The following ZC3H4 variants were observed in gnomAD, a reference collection of about 807,000 sequenced individuals.
The protein encoded by ZC3H4 is zinc finger CCCH domain-containing protein 4.
In ZC3H4, 13 loss-of-function variants were observed where a neutral mutation model predicts 108.3. The observed-to-expected ratio is 0.12, with a 90% CI of 0.08 to 0.19. The LOEUF (loss-of-function observed/expected upper bound fraction) is 0.19. Ranked by LOEUF, ZC3H4 falls within the 10% of genes least tolerant of loss-of-function variation. The pLI is 1.00. For missense variants in ZC3H4, 1,734 were observed against 1,838.8 expected (o/e 0.94, Z 1.04); for synonymous variants, 917 against 749.6 (o/e 1.22, Z -3.65).
intron 4 of ZC3H4, among the ~76,000 whole-genome samples, chr19:47,091,130 G>T (rs192960062): frequency 6.6e-6 from 1 of 152,090 alleles, no homozygotes; most frequent in Non-Finnish European, 1.5e-5. Context: ...CAAAATAGCC[G>T]AGTGTGGGGC....
At chr19:47,075,403 T>C (rs73943613) in intron 11 of ZC3H4, among the ~76,000 whole-genome samples, 1,703 of 152,214 alleles carry the variant, frequency 0.011, 22 homozygotes, top group African/African-American at 0.04. Flanking sequence ...CTTCCTCAAC[T>C]GTGTGTGGGG....
At chr19:47,076,924 C>T (rs1459451971) in intron 11 of ZC3H4, among the ~76,000 whole-genome samples, 2 of 151,960 alleles carry the variant, frequency 1.3e-5, no homozygotes, top group Non-Finnish European at 2.9e-5. Flanking sequence ...ACCTGGGAGG[C>T]GGAAACTACA....
At chr19:47,081,351 C>A (rs1251740836) in intron 11 of ZC3H4, among the ~76,000 whole-genome samples, 162 bp downstream of exon 11, 1 of 152,216 alleles carries the variant, frequency 6.6e-6, no homozygotes, top group African/African-American at 2.4e-5. Context: ...CAACTCCTTG[C>A]AGAAGAGGAC....
In ZC3H4 at chr19:47,072,778, T is replaced by C; in HGVS notation, c.1441-65A>G. ...CAGGATGGAAACGGACCTCTCCAGGTCTGAGAGCTGAAGTTTATGAGGAAA... is the reference window on the plus strand; with the variant it reads ...CAGGATGGAAACGGACCTCTCCAGGCCTGAGAGCTGAAGTTTATGAGGAAA... On this transcript the variant is annotated intron_variant, in intron 11 of 14. Transcript: ENST00000253048. This position sits in a 1 kb window ranked among gnomAD's most constrained non-coding sequence, Gnocchi z 5.6. 6.3e-7 allele frequency: 1 copy of C among 1,580,698 alleles called. No individual in the cohort carries two copies. Among genetic ancestry groups the C allele is most frequent in the Non-Finnish European group, 8.6e-7 (1 of 1,163,638 alleles).
chr19:47,110,227 G>A (rs1011829955), intron 2 of ZC3H4, among the ~76,000 whole-genome samples: 1 of 151,930 alleles, frequency 6.6e-6, no homozygotes, highest in Non-Finnish European at 1.5e-5. Flanking sequence ...GGGGGGGAGG[G>A]GAACCATTAA....
In ZC3H4 at chr19:47,094,040, T is replaced by A; in HGVS notation, c.422A>T (p.Asp141Val). 1 of 1,614,158 alleles carries A rather than the reference T, an allele frequency of 6.2e-7. No homozygotes were observed. The highest frequency in any genetic ancestry group is 8.5e-7 in the Non-Finnish European group (1 of 1,180,030). Residue 141 changes from aspartate to valine, a missense_variant, in exon 4 of 15, where the codon GAT becomes GTT. Asp to Val is a radical substitution (Grantham distance 152, BLOSUM62 -3). This residue lies in a region of ZC3H4 where 403 missense variants were observed against 457.0 expected (regional missense o/e 0.88). Coordinates refer to ENST00000253048, the MANE Select transcript of ZC3H4 (RefSeq NM_015168.2). The part of the protein sequence containing the change: ...SSSDDFSDFS[D>V]DSDFSPSEKG... ...CTCACTGGGGCTGAAATCCGAGTCA[T>A]CTGAGAAGTCAGAGAAGTCATCGCT...
At chr19:47,094,112 C>T (rs1392878208) in intron 3 of ZC3H4, 32 bp from the exon 4 acceptor site, 1 of 1,603,110 alleles carries the variant, frequency 6.2e-7, no homozygotes, top group South Asian at 1.1e-5. Context: ...ACTCAGCAAC[C>T]TGCCACAGGC....
chr19:47,107,081 C>A (rs902599990), intron 2 of ZC3H4, among the ~76,000 whole-genome samples: 7 of 152,146 alleles, frequency 4.6e-5, no homozygotes, highest in East Asian at 3.8e-4. Flanking sequence ...ACAGTATGAC[C>A]ATTTGAGCAT....
intron 13 of ZC3H4, among the ~76,000 whole-genome samples, chr19:47,069,705 G>A (rs2057291960): frequency 6.6e-6 from 1 of 152,162 alleles, no homozygotes; most frequent in South Asian, 2.1e-4. Flanking sequence ...ACTCTTTCCT[G>A]TACTTTTAAA....
intron 2 of ZC3H4, among the ~76,000 whole-genome samples, chr19:47,096,446 C>T (rs1020612988): frequency 4.6e-5 from 7 of 152,212 alleles, no homozygotes; most frequent in Non-Finnish European, 8.8e-5. Context: ...TCACCCACAC[C>T]GAAAAGGGCC....
At chr19:47,112,353 G>A (rs1336791328) in intron 2 of ZC3H4, 71 bp downstream of exon 2, 5 of 1,219,448 alleles carry the variant, frequency 4.1e-6, no homozygotes, top group Non-Finnish European at 4.1e-6. Flanking sequence ...CCAACATGGC[G>A]GCCGCCCCCC....
intron 14 of ZC3H4, among the ~76,000 whole-genome samples, chr19:47,068,577 A>G (rs527452068): frequency 6.6e-6 from 1 of 152,248 alleles, no homozygotes; most frequent in South Asian, 2.1e-4. Context: ...CTCCTGCGCT[A>G]CAGTCAGGGC....
In ZC3H4 at chr19:47,066,960, G is replaced by C. The variant is rs1226978434; in HGVS notation, c.3308C>G (p.Pro1103Arg). ...RAAKPGPAEA[P>R]SPTASPSGDA... is the part of the protein sequence containing the mutation. ...CCCACTCGGGCTGGCGGTGGGAGAG[G>C]GCGCCTCAGCAGGGCCGGGCTTGGC... The change falls in exon 15 of 15, where the codon CCC becomes CGC. Residue 1103 changes from proline to arginine, a missense_variant. Physicochemically the swap from Pro to Arg is moderately radical, Grantham distance 103. Around this residue, in one of 9 missense-constraint regions of ZC3H4, gnomAD observed 518 missense variants for 499.6 expected, o/e 1.04. Transcript: ENST00000253048. 6.3e-7 allele frequency: 1 copy of C among 1,593,586 alleles called. No homozygotes were observed. The highest frequency in any genetic ancestry group is 1.3e-5 in the African/African-American group (1 of 74,610).
chr19:47,067,315 T>C lies in ZC3H4; in HGVS notation c.2953A>G (p.Ile985Val). 6.3e-7 allele frequency: 1 copy of C among 1,595,126 alleles called. No individual in the cohort carries two copies. The highest frequency in any genetic ancestry group is 8.5e-7 in the Non-Finnish European group (1 of 1,169,664). ...RTVLWNPEDL[I>V]PLPIPKQDAV... The stretch of plus-strand genomic sequence containing the variant: ...TCCTGCTTGGGGATGGGTAGGGGGA[T>C]CAGGTCCTCGGGATTCCAGAGCACG... The change falls in exon 15 of 15, where the codon ATC becomes GTC. Residue 985 changes from isoleucine (I) to valine (V), a missense_variant. Ile to Val is a conservative substitution (Grantham distance 29, BLOSUM62 3). Transcript: ENST00000253048. The surrounding 1 kb of genome is among the most constrained non-coding windows in gnomAD (Gnocchi z 6.4).
intron 6 of ZC3H4, 64 bp downstream of exon 6, chr19:47,086,320 T>C: frequency 6.3e-7 from 1 of 1,599,058 alleles, no homozygotes; most frequent in Non-Finnish European, 8.5e-7. Flanking sequence ...CTACCAGCAG[T>C]GCTCACGCCC....
At chr19:47,090,470 G>A (rs929300154) in intron 4 of ZC3H4, among the ~76,000 whole-genome samples, 5 of 152,136 alleles carry the variant, frequency 3.3e-5, no homozygotes, top group South Asian at 2.1e-4. Context: ...GGAGAAGAAG[G>A]GAGCATTTCC....
At position 47,071,935 on chromosome 19, in the gene ZC3H4, G is replaced by C. The variant is rs778223789; in HGVS notation, c.1989C>G (p.Pro663=). ...PMGPGMNPGP[P]MGPGGPPMMP... ...TCATTGGAGGGCCGCCAGGGCCCAT[G>C]GGTGGGCCAGGATTCATGCCAGGGC... The change falls in exon 13 of 15, where the codon CCC becomes CCG. Residue 663 remains proline (P), a synonymous_variant. Coordinates refer to ENST00000253048, the MANE Select transcript of ZC3H4 (RefSeq NM_015168.2). 1 of 1,612,956 alleles carries C rather than the reference G, an allele frequency of 6.2e-7. No homozygotes were observed.
intron 8 of ZC3H4, 69 bp downstream of exon 8, chr19:47,084,987 T>C: frequency 1.3e-6 from 2 of 1,586,920 alleles, no homozygotes; most frequent in South Asian, 2.3e-5. Flanking sequence ...ACAGAATGAC[T>C]CATTAAAGGG....
At chr19:47,077,959 T>A (rs1414338188) in intron 11 of ZC3H4, among the ~76,000 whole-genome samples, 1 of 151,760 alleles carries the variant, frequency 6.6e-6, no homozygotes, top group Non-Finnish European at 1.5e-5. Context: ...TTTGCAAACA[T>A]CAAGTTTTGC....
Sources: allele counts gnomAD v4.1 joint callset (sites outside exome capture counted in the v4.1 genomes callset), GRCh38; gene constraint gnomAD v4.1.1; regional missense constraint gnomAD v4.1.1; non-coding constraint Gnocchi (gnomAD v3.1); transcripts MANE v1.5; gene names NCBI Gene and HGNC (gene_info 2026-07-23, HGNC 2026-07-21).